The following GPC5 variants were observed in gnomAD, a reference collection of about 807,000 sequenced individuals.
GPC5 encodes the protein glypican-5.
GPC5 carries 47 observed loss-of-function variants against 53.9 expected under a neutral mutation model. That is an observed-to-expected ratio of 0.87 (90% CI 0.69 to 1.11). The LOEUF is 1.11. Ranked by LOEUF, GPC5 falls within the 50% of genes most tolerant of loss-of-function variation. GPC5 has a pLI of 0.00. For missense variants in GPC5, 748 were observed against 713.1 expected, an observed-to-expected ratio of 1.05 and a Z score of -0.56; for synonymous variants, 286 against 263.3, an observed-to-expected ratio of 1.09 and a Z score of -0.84.
At chr13:92,465,330 T>C (rs1878648064) in intron 7 of GPC5, among the ~76,000 whole-genome samples, 1 of 152,086 alleles carries the variant, frequency 6.6e-6, no homozygotes, top group South Asian at 2.1e-4. Context: ...TGCTTTCTGA[T>C]GAGAAAATCT....
chr13:92,797,926 CATAG>C (rs1187223082), intron 7 of GPC5, among the ~76,000 whole-genome samples: 1 of 151,646 alleles, frequency 6.6e-6, no homozygotes, highest in East Asian at 1.9e-4. Flanking sequence ...AGATACAGTT[CATAG>C]ATAGATGATA....
intron 7 of GPC5, among the ~76,000 whole-genome samples, chr13:92,746,933 C>T (rs778411143): frequency 2.0e-5 from 3 of 152,062 alleles, no homozygotes; most frequent in Non-Finnish European, 4.4e-5. Context: ...TAACCTATTG[C>T]ACACTTAAGT....
intron 7 of GPC5, among the ~76,000 whole-genome samples, chr13:92,198,869 T>C (rs2042275172): frequency 6.6e-6 from 1 of 152,188 alleles, no homozygotes; most frequent in Admixed American, 6.5e-5. Context: ...ATGGTGAGTC[T>C]GAACCAGGTC....
rs563971250 is a variant in GPC5, at chr13:92,125,033, C to T, written c.1402-19797C>T. On this transcript the variant is annotated intron_variant, in intron 6 of 7. Coordinates refer to ENST00000377067, the MANE Select transcript of GPC5 (RefSeq NM_004466.6). The stretch of plus-strand genomic sequence containing the variant: ...GGAACTATGTCTTGCCTCTTGCTCA[C>T]CACCCCCAACTCTTGCTGGCATTCC... 5.3e-5 allele frequency among the ~76,000 whole-genome samples: 8 copies of T among 152,266 alleles called. No homozygotes were observed. In the South Asian group the frequency reaches 1.7e-3, roughly 32 times the overall value.
intron 7 of GPC5, among the ~76,000 whole-genome samples, chr13:92,775,155 A>G (rs1875754660): frequency 6.6e-6 from 1 of 152,224 alleles, no homozygotes; most frequent in South Asian, 2.1e-4. Flanking sequence ...TGTGTTTTAT[A>G]TAAGACAGTG....
intron 7 of GPC5, among the ~76,000 whole-genome samples, chr13:92,298,730 T>G (rs1243469172): frequency 3.3e-5 from 5 of 152,120 alleles, no homozygotes; most frequent in Admixed American, 2.6e-4. Flanking sequence ...GTGTGGGTCG[T>G]CTCAGGTTTC....
chr13:92,192,065 C>T (rs936317849), intron 7 of GPC5, among the ~76,000 whole-genome samples: 1 of 151,992 alleles, frequency 6.6e-6, no homozygotes. Flanking sequence ...AAAAATTAGT[C>T]GTTGCTAAGG....
intron 7 of GPC5, among the ~76,000 whole-genome samples, chr13:92,714,540 T>C (rs1387426348): frequency 6.6e-6 from 1 of 152,210 alleles, no homozygotes; most frequent in African/African-American, 2.4e-5. Flanking sequence ...TGACAAAGCT[T>C]TTCTACCTTC....
intron 7 of GPC5, among the ~76,000 whole-genome samples, chr13:92,335,897 T>G (rs61147497): frequency 5.9e-5 from 9 of 152,160 alleles, no homozygotes; most frequent in Non-Finnish European, 1.0e-4. Flanking sequence ...AACCTCTTCA[T>G]GTCTTCTGAG....
At chr13:92,076,043 C>G (rs1163855320) in intron 6 of GPC5, among the ~76,000 whole-genome samples, 1 of 151,340 alleles carries the variant, frequency 6.6e-6, no homozygotes, top group East Asian at 2.0e-4. Flanking sequence ...TCAGATAAAC[C>G]ATGTGTCTTA....
intron 7 of GPC5, among the ~76,000 whole-genome samples, chr13:92,350,467 C>T (rs9523638): frequency 0.76 from 116,067 of 152,064 alleles, 45,549 homozygotes; most frequent in African/African-American, 0.95. Context: ...TTCTCCCTTA[C>T]GTGTAGAATC....
At chr13:91,521,187 G>C (rs566440236) in intron 2 of GPC5, among the ~76,000 whole-genome samples, 2 of 152,220 alleles carry the variant, frequency 1.3e-5, no homozygotes, top group East Asian at 3.9e-4. Context: ...GACAGAAGAG[G>C]TTTGCTTTCT....
intron 7 of GPC5, among the ~76,000 whole-genome samples, chr13:92,299,330 G>A (rs1233549799): frequency 6.6e-6 from 1 of 152,070 alleles, no homozygotes; most frequent in Non-Finnish European, 1.5e-5. Flanking sequence ...GTCTCTTGAC[G>A]GCAGCTGCTT....
intron 7 of GPC5, among the ~76,000 whole-genome samples, chr13:92,382,058 A>G (rs1025541512): frequency 2.0e-5 from 3 of 151,328 alleles, no homozygotes; most frequent in Non-Finnish European, 2.9e-5. Flanking sequence ...AAATAACAGC[A>G]TGTGCAGTGA....
At chr13:92,557,620 T>C (rs1199304767) in intron 7 of GPC5, among the ~76,000 whole-genome samples, 1 of 152,010 alleles carries the variant, frequency 6.6e-6, no homozygotes, top group African/African-American at 2.4e-5. Context: ...GTTTTCCTCA[T>C]CCTTCAGTCA....
At chr13:92,353,624 A>G (rs1278813879) in intron 7 of GPC5, among the ~76,000 whole-genome samples, 4 of 152,182 alleles carry the variant, frequency 2.6e-5, no homozygotes, top group East Asian at 1.9e-4. Flanking sequence ...ATTAAAAATT[A>G]CTAAGTAAAT....
chr13:92,863,617 C>A (rs987757676), intron 7 of GPC5, among the ~76,000 whole-genome samples: 1 of 152,100 alleles, frequency 6.6e-6, no homozygotes, highest in Admixed American at 6.6e-5. Context: ...CCTCGGCTTC[C>A]CAAGTAGCTG....
chr13:92,430,150 T>C (rs189601396), intron 7 of GPC5, among the ~76,000 whole-genome samples: 1 of 152,056 alleles, frequency 6.6e-6, no homozygotes, highest in Non-Finnish European at 1.5e-5. Flanking sequence ...AAAGTGCTTA[T>C]ATAGCTCCCT....
chr13:92,492,032 G>A (rs929735551), intron 7 of GPC5, among the ~76,000 whole-genome samples: 2 of 152,034 alleles, frequency 1.3e-5, no homozygotes, highest in African/African-American at 4.8e-5. Context: ...CCAAAAGGCA[G>A]ACTCTGTCCC....
Sources: allele counts gnomAD v4.1 joint callset (sites outside exome capture counted in the v4.1 genomes callset), GRCh38; gene constraint gnomAD v4.1.1; transcripts MANE v1.5; gene names NCBI Gene and HGNC (gene_info 2026-07-23, HGNC 2026-07-21).